The following PRKCH variants were observed in gnomAD, a reference collection of about 807,000 sequenced individuals.
PRKCH encodes the protein protein kinase C eta.
PRKCH carries 28 observed loss-of-function variants against 82.5 expected under a neutral mutation model. The observed-to-expected ratio is 0.34, with a 90% confidence interval of 0.25 to 0.47. The LOEUF is 0.47. Ranked by LOEUF, PRKCH falls within the 20% of genes least tolerant of loss-of-function variation. The pLI, the probability that PRKCH is intolerant of heterozygous loss-of-function variation, is 1.00. For synonymous variants in PRKCH, 322 were observed against 327.4 expected, an observed-to-expected ratio of 0.98 and a Z score of 0.18; for missense variants, 705 against 881.8, an observed-to-expected ratio of 0.80 and a Z score of 2.54.
intron 1 of PRKCH, among the ~76,000 whole-genome samples, chr14:61,355,188 A>G (rs148723486): frequency 1.1e-4 from 16 of 152,188 alleles, no homozygotes; most frequent in African/African-American, 3.6e-4. Flanking sequence ...TTTTGCCCAT[A>G]CTCTGCAGCA....
At position 61,252,421 on chromosome 14, in the gene PRKCH, G is replaced by C. The variant is rs995463394; in HGVS notation, c.-19+64753G>C. 2.0e-5 allele frequency among the ~76,000 whole-genome samples: 3 copies of C among 152,206 alleles called. No individual in the cohort carries two copies. In the South Asian group the frequency reaches 6.2e-4, roughly 32 times the overall value. Reference sequence around the variant, plus strand: ...GAATTTGCTCTGAGTTCCTGACAGAGGAAGCTGCTAAAGTTAAGAACTAAC... The same window carrying C: ...GAATTTGCTCTGAGTTCCTGACAGACGAAGCTGCTAAAGTTAAGAACTAAC... On this transcript the variant is annotated intron_variant, in intron 1 of 3. Transcript: ENST00000555185.
chr14:61,344,219 T>C (rs1246357525), intron 1 of PRKCH: 1 of 152,202 alleles, frequency 6.6e-6, no homozygotes, highest in Non-Finnish European at 1.5e-5. Context: ...TGCTGCTTAC[T>C]GGATGCGTAA....
Position 61,378,846 on chromosome 14 carries a change from C to T in PRKCH, c.364-12379C>T, listed in dbSNP as rs1006894655. On this transcript the variant is annotated intron_variant, in intron 1 of 13. Transcript: ENST00000332981. ...TTTCTCCTATCTGCCCTCTCCTCTC[C>T]ATCCCTTCTACTGCTGCCTTAGCTC... Among the ~76,000 whole-genome samples the T allele has an allele frequency of 6.6e-5, 10 of 152,312 alleles. No homozygotes were observed. The East Asian group carries it at 1.5e-3, about 24-fold the overall frequency.
chr14:61,261,504 C>T (rs995253841), intron 1 of PRKCH, among the ~76,000 whole-genome samples: 1 of 152,174 alleles, frequency 6.6e-6, no homozygotes, highest in African/African-American at 2.4e-5. Flanking sequence ...ATCCACCCAG[C>T]TGGAGAACAT....
intron 12 of PRKCH, among the ~76,000 whole-genome samples, chr14:61,532,920 G>A (rs753449617): frequency 1.8e-4 from 28 of 152,134 alleles, no homozygotes; most frequent in Non-Finnish European, 3.5e-4. Context: ...ACTGATGGAG[G>A]CAGCAGCTGC....
intron 1 of PRKCH, among the ~76,000 whole-genome samples, chr14:61,230,936 A>G (rs1054261694): frequency 1.3e-5 from 2 of 152,246 alleles, no homozygotes; most frequent in Non-Finnish European, 2.9e-5. Context: ...GGTGTCCTCT[A>G]TTATAAGGTC....
rs111331253 is a variant in PRKCH, at chr14:61,249,158, G to C, written c.-19+61490G>C. 5.5e-3 allele frequency among the ~76,000 whole-genome samples: 840 copies of C among 152,208 alleles called. 7 individuals are homozygous for C. The highest frequency in any genetic ancestry group is 0.018 in the African/African-American group (765 of 41,516). On this transcript the variant is annotated intron_variant, in intron 1 of 3. Coordinates refer to the PRKCH transcript ENST00000555185. The stretch of plus-strand genomic sequence containing the variant: ...ACTGGAAACCCTGGCATTATAAGCA[G>C]CATATTTATTGTGTATGGTGTGGTC...
At chr14:61,417,573 G>A (rs1217522551) in intron 2 of PRKCH, among the ~76,000 whole-genome samples, 1 of 152,140 alleles carries the variant, frequency 6.6e-6, no homozygotes, top group Non-Finnish European at 1.5e-5. Context: ...CTTTAATTGG[G>A]CATATTTTTA....
chr14:61,421,576 T>TA (rs1882834533), intron 2 of PRKCH, among the ~76,000 whole-genome samples: 1 of 152,198 alleles, frequency 6.6e-6, no homozygotes, highest in Non-Finnish European at 1.5e-5. Context: ...ACCTGCTTTT[T>TA]AAATCTCATC....
chr14:61,309,005 G>A (rs571298766), intron 1 of PRKCH, among the ~76,000 whole-genome samples: 31 of 150,242 alleles, frequency 2.1e-4, no homozygotes, highest in Admixed American at 1.4e-3. Context: ...ACCTCTGAGC[G>A]GGGCACCATG....
At chr14:61,483,577 T>C (rs1470844250) in intron 9 of PRKCH, among the ~76,000 whole-genome samples, 1 of 152,128 alleles carries the variant, frequency 6.6e-6, no homozygotes, top group Non-Finnish European at 1.5e-5. Flanking sequence ...AAGGCGTTAG[T>C]TAAAATAGGG....
At chr14:61,263,814 A>G (rs925668785) in intron 1 of PRKCH, among the ~76,000 whole-genome samples, 2 of 151,150 alleles carry the variant, frequency 1.3e-5, no homozygotes, top group African/African-American at 2.4e-5. Context: ...ACGAGCAGGT[A>G]ATGTCTAAGG....
intron 2 of PRKCH, among the ~76,000 whole-genome samples, chr14:61,400,611 T>C (rs955291504): frequency 7.9e-5 from 12 of 152,218 alleles, no homozygotes; most frequent in African/African-American, 2.9e-4. Flanking sequence ...TTCTCCATAA[T>C]ATCTAGCTCA....
chr14:61,528,973 C>CGGGT, intron 10 of PRKCH, 102 bp from the exon 11 acceptor site: 1 of 565,718 alleles, frequency 1.8e-6, no homozygotes, highest in Non-Finnish European at 2.6e-6. Flanking sequence ...TGTGGCCGCA[C>CGGGT]GTGTGTGTGT....
chr14:61,266,871 G>A (rs903999215), intron 1 of PRKCH, among the ~76,000 whole-genome samples: 2 of 152,152 alleles, frequency 1.3e-5, no homozygotes, highest in African/African-American at 4.8e-5. Flanking sequence ...GAGATGAGGT[G>A]ATGGGGATGG....
chr14:61,233,604 T>G (rs1594865331), intron 1 of PRKCH, among the ~76,000 whole-genome samples: 2 of 152,146 alleles, frequency 1.3e-5, no homozygotes, highest in East Asian at 1.9e-4. Context: ...ATAATCCTCA[T>G]GTGTGGTGGG....
chr14:61,375,557 C>G (rs1484659165), intron 1 of PRKCH, among the ~76,000 whole-genome samples: 1 of 151,792 alleles, frequency 6.6e-6, no homozygotes. Context: ...AACAGCATGG[C>G]TAGGAGGTGA....
intron 1 of PRKCH, among the ~76,000 whole-genome samples, chr14:61,259,398 G>A (rs1458425314): frequency 1.3e-5 from 2 of 152,066 alleles, no homozygotes; most frequent in Non-Finnish European, 2.9e-5. Context: ...ACTGACTAAC[G>A]ATACCAATAT....
chr14:61,248,189 C>G (rs1338305222), intron 1 of PRKCH, among the ~76,000 whole-genome samples: 2 of 152,172 alleles, frequency 1.3e-5, no homozygotes, highest in Admixed American at 6.6e-5. Context: ...TTGGTGTTCT[C>G]TAGCACTCCT....
Sources: gnomAD v4.1 joint callset for allele counts (sites outside exome capture counted in the v4.1 genomes callset) on GRCh38, gnomAD v4.1.1 for gene constraint, MANE v1.5 for transcripts, NCBI Gene and HGNC (gene_info 2026-07-23, HGNC 2026-07-21) for gene names.